Variants in NCAM2 observed in about 807,000 individuals in gnomAD.
The protein encoded by NCAM2 is neural cell adhesion molecule 2, also known as N-CAM-2.
Under a neutral mutation model 98.1 loss-of-function variants are expected in NCAM2, and 30 were observed. The ratio of observed to expected loss-of-function variants is 0.31; its 90% CI spans 0.23 to 0.41. NCAM2 has a LOEUF of 0.41. Among genes scored for constraint, NCAM2 ranks in the 10% least tolerant of loss-of-function variants. The pLI, the probability that NCAM2 is intolerant of heterozygous loss-of-function variation, is 1.00. For synonymous variants in NCAM2, 368 were observed against 342.4 expected (o/e 1.07, Z -0.83); for missense variants, 867 against 1,005.8 (o/e 0.86, Z 1.87).
At chr21:21,070,080 T>C (rs1160218963) in intron 1 of NCAM2, among the ~76,000 whole-genome samples, 3 of 152,092 alleles carry the variant, frequency 2.0e-5, no homozygotes, top group African/African-American at 7.2e-5. Context: ...ACAAAATAAA[T>C]AGTAATGTCA....
chr21:21,356,722 G>T (rs2075490100), intron 8 of NCAM2, among the ~76,000 whole-genome samples: 1 of 152,098 alleles, frequency 6.6e-6, no homozygotes, highest in South Asian at 2.1e-4. Context: ...CAGGCACAGT[G>T]GCTCACGCCT....
intron 5 of NCAM2, among the ~76,000 whole-genome samples, chr21:21,311,857 TC>T (rs1201231442): frequency 1.3e-5 from 2 of 152,190 alleles, no homozygotes; most frequent in Non-Finnish European, 2.9e-5. Context: ...TTTTCTTTAA[TC>T]CTTTGACTGT....
At chr21:21,287,364 A>G (rs1361748823) in intron 4 of NCAM2, among the ~76,000 whole-genome samples, 3 of 151,996 alleles carry the variant, frequency 2.0e-5, no homozygotes, top group African/African-American at 7.2e-5. Context: ...TTAATTTTGA[A>G]AGAATTTTTC....
chr21:21,191,074 A>G (rs1336137507), intron 1 of NCAM2, among the ~76,000 whole-genome samples: 1 of 152,170 alleles, frequency 6.6e-6, no homozygotes, highest in African/African-American at 2.4e-5. Flanking sequence ...ATAAAAAGCT[A>G]ATTATAAATT....
At chr21:21,076,514 T>C (rs1402724663) in intron 1 of NCAM2, among the ~76,000 whole-genome samples, 2 of 152,224 alleles carry the variant, frequency 1.3e-5, no homozygotes, top group Non-Finnish European at 2.9e-5. Context: ...GTTTGAAACA[T>C]GCCATTCCCT....
chr21:21,443,092 A>T (rs1225750231), intron 12 of NCAM2, among the ~76,000 whole-genome samples: 1 of 152,154 alleles, frequency 6.6e-6, no homozygotes, highest in East Asian at 1.9e-4. Context: ...CTCAATATGC[A>T]GCCATAAAAA....
chr21:21,147,458 G>T (rs2067313091), intron 1 of NCAM2, among the ~76,000 whole-genome samples: 1 of 151,488 alleles, frequency 6.6e-6, no homozygotes. Flanking sequence ...CCCCTAGGCT[G>T]GAGTGCCGTG....
intron 1 of NCAM2, among the ~76,000 whole-genome samples, chr21:21,103,621 C>T (rs1336967705): frequency 6.6e-6 from 1 of 151,970 alleles, no homozygotes; most frequent in Admixed American, 6.6e-5. Flanking sequence ...TGCTTCTGTA[C>T]TTTTATATGT....
chr21:21,476,658 A>C (rs1569103009), intron 14 of NCAM2, among the ~76,000 whole-genome samples: 1 of 152,072 alleles, frequency 6.6e-6, no homozygotes, highest in Non-Finnish European at 1.5e-5. Context: ...ATTTTAGAAA[A>C]AGAATGAGAT....
At chr21:21,143,118 C>T (rs938220288) in intron 1 of NCAM2, among the ~76,000 whole-genome samples, 7 of 152,098 alleles carry the variant, frequency 4.6e-5, no homozygotes, top group Non-Finnish European at 7.4e-5. Flanking sequence ...TACTGTTCAT[C>T]GGGATTTTAA....
At chr21:21,417,961 A>C (rs1357795125) in intron 10 of NCAM2, among the ~76,000 whole-genome samples, 1 of 152,068 alleles carries the variant, frequency 6.6e-6, no homozygotes, top group Non-Finnish European at 1.5e-5. Context: ...GAGAAATATC[A>C]CATATCTGGA....
rs903402104 is a variant in NCAM2, at chr21:21,030,884, T to A, written c.55+32266T>A. ...AAAGGACTTTAAAAAGCTGCATACG[T>A]TGTATGGCAAGGAATTCATCACCAT... On this transcript the variant is annotated intron_variant, in intron 1 of 17. Coordinates refer to ENST00000400546, the MANE Select transcript of NCAM2 (RefSeq NM_004540.5). Among the ~76,000 whole-genome samples the A allele has an allele frequency of 2.6e-5, 4 of 152,160 alleles. No homozygotes were observed. In the East Asian group the frequency reaches 7.7e-4, roughly 29 times the overall value.
At chr21:21,039,355 A>G (rs995358172) in intron 1 of NCAM2, among the ~76,000 whole-genome samples, 5 of 152,220 alleles carry the variant, frequency 3.3e-5, no homozygotes, top group African/African-American at 1.2e-4. Context: ...ACCATTGGGA[A>G]AGAATAAGTT....
chr21:21,400,104 C>A (rs537302347), intron 9 of NCAM2, among the ~76,000 whole-genome samples: 56 of 152,190 alleles, frequency 3.7e-4, no homozygotes, highest in Non-Finnish European at 6.8e-4. Context: ...ATTATAGTTT[C>A]TTTGGTGTCT....
intron 1 of NCAM2, among the ~76,000 whole-genome samples, chr21:21,119,673 T>A (rs1303016034): frequency 6.6e-6 from 1 of 151,576 alleles, no homozygotes; most frequent in Non-Finnish European, 1.5e-5. Flanking sequence ...TTTAAGAAGA[T>A]TTGTTTATGA....
intron 1 of NCAM2, among the ~76,000 whole-genome samples, chr21:21,163,476 AT>A (rs201577435): frequency 3.3e-5 from 5 of 150,446 alleles, no homozygotes; most frequent in African/African-American, 7.3e-5. Context: ...CGTTTGCTTT[AT>A]TTTTTTTTGC....
intron 12 of NCAM2, among the ~76,000 whole-genome samples, chr21:21,448,391 G>C (rs965023445): frequency 1.3e-5 from 2 of 151,926 alleles, no homozygotes; most frequent in African/African-American, 4.8e-5. Flanking sequence ...AGGGCCTGTT[G>C]AGTGTGTGGG....
At chr21:21,051,401 C>G (rs1351355365) in intron 1 of NCAM2, among the ~76,000 whole-genome samples, 1 of 152,208 alleles carries the variant, frequency 6.6e-6, no homozygotes, top group South Asian at 2.1e-4. Flanking sequence ...TAAACCAGCT[C>G]AGTTTGTATC....
chr21:21,258,226 A>G (rs2032191), intron 1 of NCAM2, among the ~76,000 whole-genome samples: 130,994 of 152,152 alleles, frequency 0.86, 57,835 homozygotes, highest in Non-Finnish European at 0.98. Context: ...TGCACTGGTA[A>G]TACTTTTTTC....
Sources: gnomAD v4.1 joint callset for allele counts (sites outside exome capture counted in the v4.1 genomes callset) on GRCh38, gnomAD v4.1.1 for gene constraint, MANE v1.5 for transcripts, NCBI Gene and HGNC (gene_info 2026-07-23, HGNC 2026-07-21) for gene names.